Variants in CD163 observed in about 807,000 individuals in gnomAD.
CD163 encodes scavenger receptor cysteine-rich type 1 protein M130.
In CD163, 64 loss-of-function variants were observed where a neutral mutation model predicts 129.2. The ratio of observed to expected loss-of-function variants is 0.50; its 90% CI spans 0.41 to 0.61. The LOEUF (loss-of-function observed/expected upper bound fraction) is 0.61. Ranked by LOEUF, CD163 falls within the 20% of genes least tolerant of loss-of-function variation. The probability of loss-of-function intolerance (pLI) is 0.00; values close to 1 mark genes in which losing one functional copy is unlikely to be tolerated. For synonymous variants in CD163, 446 were observed against 478.5 expected (o/e 0.93, Z 0.89); for missense variants, 1,061 against 1,377.9 (o/e 0.77, Z 3.64).
rs1949157859 is a variant in CD163, at chr12:7,481,232, A to C, written c.3272T>G (p.Val1091Gly). Residue 1091 changes from valine (V) to glycine (G), a missense_variant, in exon 15 of 17, where the codon GTC becomes GGC. Coordinates refer to ENST00000432237, the MANE Select transcript of CD163 (RefSeq NM_203416.4). Reference protein sequence around the residue: ...LAVSSRGENLVHQIQYREMNS... With the variant: ...LAVSSRGENLGHQIQYREMNS... ...CATCTCCCGGTATTGAATTTGGTGG[A>C]CTAAGTTCTCTCCTCTTGAGGAAAC... is the stretch of plus-strand genomic sequence containing the variant. The C allele has an allele frequency of 6.2e-7, 1 of 1,613,694 alleles. No individual in the cohort carries two copies.
intron 2 of CD163, among the ~76,000 whole-genome samples, chr12:7,502,243 AATCTT>A (rs1949500916): frequency 6.6e-6 from 1 of 152,118 alleles, no homozygotes; most frequent in African/African-American, 2.4e-5. Context: ...CATTATTTCT[AATCTT>A]TAAGTAAAAT....
Position 7,486,741 on chromosome 12 carries a change from G to A in CD163, c.2216C>T (p.Ser739Phe), listed in dbSNP as rs778342413. 4 of 1,614,142 alleles carry A rather than the reference G, an allele frequency of 2.5e-6. No individual in the cohort carries two copies. Among genetic ancestry groups the A allele is most frequent in the Non-Finnish European group, 3.4e-6 (4 of 1,180,028 alleles). The change falls in exon 10 of 17, where the codon TCC becomes TTC. Residue 739 changes from serine (S) to phenylalanine (F), a missense_variant. By Grantham distance (155) the Ser-to-Phe change is radical. Coordinates refer to ENST00000432237, the MANE Select transcript of CD163 (RefSeq NM_203416.4). The stretch of plus-strand genomic sequence containing the variant: ...GCTGTCATCACAGATGGTGCCCCAG[G>A]AGCCCTCATGATAGATCTCTACTCT... ...AGRVEIYHEG[S>F]WGTICDDSWD... is the part of the protein sequence containing the mutation.
At chr12:7,476,587 C>G (rs1054929472) in intron 16 of CD163, among the ~76,000 whole-genome samples, 1 of 152,118 alleles carries the variant, frequency 6.6e-6, no homozygotes, top group Non-Finnish European at 1.5e-5. Flanking sequence ...AAAATTAACT[C>G]AAGATGGATT....
rs1949237374 is a variant in CD163 at position 7,485,655 on chromosome 12, A to G, written c.2459-239T>C. ...GTTTTGGACTCAGAGTCCTCTTTAGATTACCCTCAATCATTCTAATAGGCT... is the reference window on the plus strand; with the variant it reads ...GTTTTGGACTCAGAGTCCTCTTTAGGTTACCCTCAATCATTCTAATAGGCT... On this transcript the variant is annotated intron_variant, in intron 10 of 16. Transcript: ENST00000432237. The surrounding 1 kb of genome is among the most constrained non-coding windows in gnomAD (Gnocchi z 4.5). 6.6e-6 allele frequency among the ~76,000 whole-genome samples: 1 copy of G among 152,056 alleles called. No individual in the cohort carries two copies. Among genetic ancestry groups the G allele is most frequent in the African/African-American group, 2.4e-5 (1 of 41,420 alleles).
chr12:7,496,280 G>A lies in CD163; in HGVS notation c.1099+533C>T, dbSNP rs1439803762. Among the ~76,000 whole-genome samples, 1 of 150,914 alleles carries A rather than the reference G, an allele frequency of 6.6e-6. No homozygotes were observed. The highest frequency in any genetic ancestry group is 1.5e-5 in the Non-Finnish European group (1 of 67,902). On this transcript the variant is annotated intron_variant, in intron 5 of 16. Coordinates refer to ENST00000432237, the MANE Select transcript of CD163 (RefSeq NM_203416.4). This position sits in a 1 kb window ranked among gnomAD's most constrained non-coding sequence, Gnocchi z 4.8. ...CTCATAACTGGGAGTTGAACAATGAGAACACACGGACACAGGGAGGGGAAC... is the reference window on the plus strand; with the variant it reads ...CTCATAACTGGGAGTTGAACAATGAAAACACACGGACACAGGGAGGGGAAC...
At chr12:7,498,402 T>C (rs12319846) in intron 4 of CD163, among the ~76,000 whole-genome samples, 2,053 of 152,228 alleles carry the variant, frequency 0.013, 45 homozygotes, top group African/African-American at 0.046. Context: ...GAAACCAATA[T>C]TGATTTTTAA....
In CD163 at chr12:7,487,103, G is replaced by A; in HGVS notation, c.2051-117C>T. 1.2e-6 allele frequency: 1 copy of A among 856,562 alleles called. No homozygotes were observed. Among genetic ancestry groups the A allele is most frequent in the Non-Finnish European group, 1.8e-6 (1 of 548,708 alleles). 53.1% of individuals were successfully genotyped at this position (856,562 alleles called of 1,614,324 possible). ...CTTAGAGAGAGAGGGGAAGGTGGAT[G>A]GTCAACAAGTTTGAAATAAATCAGG... On this transcript the variant is annotated intron_variant, in intron 8 of 16. Transcript: ENST00000432237. The surrounding 1 kb of genome is among the most constrained non-coding windows in gnomAD (Gnocchi z 5.1).
intron 15 of CD163, 46 bp downstream of exon 15, chr12:7,481,115 A>G: frequency 6.3e-7 from 1 of 1,592,902 alleles, no homozygotes; most frequent in Non-Finnish European, 8.6e-7. Context: ...AACTGCAGCC[A>G]CTGATCTGAA....
intron 14 of CD163, among the ~76,000 whole-genome samples, chr12:7,481,893 A>T (rs1949167541): frequency 6.6e-6 from 1 of 151,908 alleles, no homozygotes; most frequent in Non-Finnish European, 1.5e-5. Context: ...AGACTTGTAC[A>T]TATTCTTCTC....
chr12:7,486,488 G>T lies in CD163; in HGVS notation c.2458+11C>A. Reference sequence around the variant, plus strand: ...ATGTAATTATGACCAAAGGTCATATGCATAATTTACCTGAGCAGATAACTC... The same window carrying T: ...ATGTAATTATGACCAAAGGTCATATTCATAATTTACCTGAGCAGATAACTC... On this transcript the variant is annotated intron_variant, in intron 10 of 16. Coordinates refer to ENST00000432237, the MANE Select transcript of CD163 (RefSeq NM_203416.4). The T allele has an allele frequency of 1.2e-6, 2 of 1,608,278 alleles. No homozygotes were observed. The highest frequency in any genetic ancestry group is 1.7e-6 in the Non-Finnish European group (2 of 1,176,030).
chr12:7,477,049 C>T (rs2136686661), intron 16 of CD163, among the ~76,000 whole-genome samples: 1 of 152,312 alleles, frequency 6.6e-6, no homozygotes, highest in Admixed American at 6.5e-5. Flanking sequence ...TACCATCTCA[C>T]ACCAGTTAGA....
chr12:7,486,720 T>C lies in CD163; in HGVS notation c.2237A>G (p.Asp746Gly). The change falls in exon 10 of 17, where the codon GAC (aspartate) becomes GGC (glycine). Residue 746 changes from aspartate (D) to glycine (G), a missense_variant. By Grantham distance (94) the Asp-to-Gly change is moderately conservative. Transcript: ENST00000432237. ...HEGSWGTICDDSWDLSDAHVV... is the reference protein window; with the variant it reads ...HEGSWGTICDGSWDLSDAHVV... ...GTGGGCATCACTCAGGTCCCAGCTG[T>C]CATCACAGATGGTGCCCCAGGAGCC... The C allele has an allele frequency of 6.2e-7, 1 of 1,614,172 alleles. No individual in the cohort carries two copies. The highest frequency in any genetic ancestry group is 8.5e-7 in the Non-Finnish European group (1 of 1,180,030).
Position 7,502,558 on chromosome 12 carries a change from C to T in CD163, c.53G>A (p.Arg18Lys). The change falls in exon 2 of 17, where the codon AGA (arginine) becomes AAA (lysine). Residue 18 changes from arginine to lysine, a missense_variant. Arg to Lys is a conservative substitution (Grantham distance 26). Transcript: ENST00000432237. ...GGGACTCAAGTTGACAAAATGTCTT[C>T]TGAAGTCTGTGAAAAAGAAAAGAGG... ...LLEDSGSADFRRHFVNLSPFT... is the reference protein window; with the variant it reads ...LLEDSGSADFKRHFVNLSPFT... 1 of 1,550,890 alleles carries T rather than the reference C, an allele frequency of 6.4e-7. No individual in the cohort carries two copies. The highest frequency in any genetic ancestry group is 8.8e-7 in the Non-Finnish European group (1 of 1,132,314).
chr12:7,500,531 A>C (rs1176649857), intron 3 of CD163, among the ~76,000 whole-genome samples: 3 of 151,842 alleles, frequency 2.0e-5, no homozygotes, highest in Non-Finnish European at 4.4e-5. Context: ...GAAAGGCCTG[A>C]CACATGACTT....
Position 7,479,894 on chromosome 12 carries a change from G to A in CD163, c.3363C>T (p.His1121=). 1 of 1,612,394 alleles carries A rather than the reference G, an allele frequency of 6.2e-7. No homozygotes were observed. The highest frequency in any genetic ancestry group is 8.5e-7 in the Non-Finnish European group (1 of 1,179,248). The change falls in exon 16 of 17, where the codon CAC becomes CAT. Residue 1121 remains histidine (H), a synonymous_variant. Transcript: ENST00000432237. ...TTATAAATTCCCATTTTCCTTTTCA[G>A]TGTGGCTCAGAATGGCCTCCTTTTC... ...MNSSGGHSEP[H] is the part of the protein sequence containing the mutation.
chr12:7,482,654 T>C lies in CD163; in HGVS notation c.3236A>G (p.Gln1079Arg). Residue 1079 changes from glutamine (Q) to arginine (R), a missense_variant, in exon 14 of 17, where the codon CAG (glutamine) becomes CGG (arginine). By Grantham distance (43) the Gln-to-Arg change is conservative. Coordinates refer to ENST00000432237, the MANE Select transcript of CD163 (RefSeq NM_203416.4). Reference sequence around the variant, plus strand: ...AATTTGGCTCAAACCTGCAAGCCGCTGTCTCTGTCTTCGCTTTTTAGTCAA... The same window carrying C: ...AATTTGGCTCAAACCTGCAAGCCGCCGTCTCTGTCTTCGCTTTTTAGTCAA... ...FFLTKKRRQR[Q>R]RLAVSSRGEN... is the part of the protein sequence containing the mutation. 6.2e-7 allele frequency: 1 copy of C among 1,614,176 alleles called. No homozygotes were observed. The highest frequency in any genetic ancestry group is 8.5e-7 in the Non-Finnish European group (1 of 1,180,010).
chr12:7,486,481 G>A lies in CD163; in HGVS notation c.2458+18C>T. Reference sequence around the variant, plus strand: ...TTTCTCTATGTAATTATGACCAAAGGTCATATGCATAATTTACCTGAGCAG... The same window carrying A: ...TTTCTCTATGTAATTATGACCAAAGATCATATGCATAATTTACCTGAGCAG... On this transcript the variant is annotated intron_variant, in intron 10 of 16. Coordinates refer to ENST00000432237, the MANE Select transcript of CD163 (RefSeq NM_203416.4). 6.2e-7 allele frequency: 1 copy of A among 1,603,740 alleles called. No individual in the cohort carries two copies. Among genetic ancestry groups the A allele is most frequent in the Non-Finnish European group, 8.5e-7 (1 of 1,173,060 alleles).
At chr12:7,497,215 G>A in intron 4 of CD163, 82 bp from the exon 5 acceptor site, 1 of 1,125,102 alleles carries the variant, frequency 8.9e-7, no homozygotes, top group Middle Eastern at 2.0e-4. Flanking sequence ...GATGAGTTAA[G>A]GAAAAGGGGA....
intron 10 of CD163, among the ~76,000 whole-genome samples, chr12:7,486,183 A>G (rs2136706671): frequency 6.6e-6 from 1 of 152,306 alleles, no homozygotes; most frequent in African/African-American, 2.4e-5. Flanking sequence ...CTAATACTGT[A>G]ATTATCAAGT....
Sources: allele counts gnomAD v4.1 joint callset (sites outside exome capture counted in the v4.1 genomes callset), GRCh38; gene constraint gnomAD v4.1.1; non-coding constraint Gnocchi (gnomAD v3.1); transcripts MANE v1.5; gene names NCBI Gene and HGNC (gene_info 2026-07-23, HGNC 2026-07-21).